The following TSPEAR variants were observed in gnomAD, a reference collection of about 807,000 sequenced individuals.
TSPEAR encodes thrombospondin type laminin G domain and EAR repeats.
In TSPEAR, 69 loss-of-function variants were observed where a neutral mutation model predicts 71.6. The ratio of observed to expected loss-of-function variants is 0.96; its 90% CI spans 0.79 to 1.18. The LOEUF is 1.18. Ranked by LOEUF, TSPEAR falls within the 50% of genes most tolerant of loss-of-function variation. The pLI, the probability that TSPEAR is intolerant of heterozygous loss-of-function variation, is 0.00. For synonymous variants in TSPEAR, 402 were observed against 387.2 expected (o/e 1.04, Z -0.45); for missense variants, 971 against 894.9 (o/e 1.09, Z -1.09).
chr21:44,707,299 G>GGGT (rs1409943675), intron 1 of TSPEAR, among the ~76,000 whole-genome samples: 6 of 133,560 alleles, frequency 4.5e-5, no homozygotes, highest in African/African-American at 1.6e-4. Flanking sequence ...AAAGGACGCG[G>GGGT]GGTGGGGGGG....
chr21:44,640,777 C>T (rs587607871), intron 1 of TSPEAR, among the ~76,000 whole-genome samples: 3 of 152,356 alleles, frequency 2.0e-5, no homozygotes, highest in Non-Finnish European at 1.5e-5. Context: ...CAGAAGGACT[C>T]TGAAGACAAA....
chr21:44,516,980 G>A (rs1043802059), intron 9 of TSPEAR, among the ~76,000 whole-genome samples: 3 of 152,094 alleles, frequency 2.0e-5, no homozygotes, highest in South Asian at 2.1e-4. Context: ...TGGGGCTTTC[G>A]GTCCTGTCCC....
intron 1 of TSPEAR, chr21:44,697,333 G>C (rs373976770): frequency 1.2e-6 from 2 of 1,611,740 alleles, no homozygotes; most frequent in African/African-American, 2.7e-5. Flanking sequence ...GCTGCGCCCC[G>C]GCCCCCTGCC....
rs1233070255 is a variant in TSPEAR, at chr21:44,711,041, A to G, written c.82+392T>C. Among the ~76,000 whole-genome samples the G allele has an allele frequency of 1.3e-5, 2 of 152,188 alleles. No homozygotes were observed. The highest frequency in any genetic ancestry group is 2.9e-5 in the Non-Finnish European group (2 of 68,022). The stretch of plus-strand genomic sequence containing the variant: ...CAGGCTGGGGGCACCTCCACCAGCT[A>G]AGGAAATGGCTCGTGCACAGTAGCC... On this transcript the variant is annotated intron_variant, in intron 1 of 11. Transcript: ENST00000323084. This position sits in a 1 kb window ranked among gnomAD's most constrained non-coding sequence, Gnocchi z 4.5.
At chr21:44,591,216 G>A in intron 1 of TSPEAR, 2 of 1,375,480 alleles carry the variant, frequency 1.5e-6, no homozygotes, top group Non-Finnish European at 1.9e-6. Flanking sequence ...GAGTAGCTGG[G>A]GTCTCTCATG....
chr21:44,697,311 G>A (rs782805259), intron 1 of TSPEAR: 3 of 1,613,638 alleles, frequency 1.9e-6, no homozygotes, highest in Admixed American at 1.7e-5. Context: ...GAGAGCTGCT[G>A]TGAGCCCCCC....
chr21:44,515,097 G>A (rs782090408), intron 9 of TSPEAR, among the ~76,000 whole-genome samples: 6 of 152,028 alleles, frequency 3.9e-5, no homozygotes, highest in Non-Finnish European at 7.4e-5. Context: ...AAAGCATCTC[G>A]GCTTCACCCG....
At chr21:44,644,139 T>G (rs1555939036) in intron 1 of TSPEAR, among the ~76,000 whole-genome samples, 3 of 152,164 alleles carry the variant, frequency 2.0e-5, no homozygotes, top group African/African-American at 7.2e-5. Context: ...TCTGCTTGAT[T>G]TAAGAAATGG....
Position 44,533,695 on chromosome 21 carries a change from G to A in TSPEAR, c.532C>T (p.Pro178Ser). ...CGGGTGGGTACCTACATGTCCACCG[G>A]GAGGCCGCAGTCCGTGGTGAGGGAG... The part of the protein sequence containing the change: ...VFSLTTDCGL[P>S]VDIMADVPFP... Residue 178 changes from proline to serine, a missense_variant, in exon 3 of 12, where the codon CCG (proline) becomes TCG (serine). By Grantham distance (74) the Pro-to-Ser change is moderately conservative. Transcript: ENST00000323084. 1 of 1,607,704 alleles carries A rather than the reference G, an allele frequency of 6.2e-7. No homozygotes were observed.
chr21:44,689,716 T>A lies in TSPEAR; in HGVS notation c.82+21717A>T, dbSNP rs548745864. On this transcript the variant is annotated intron_variant, in intron 1 of 11. Coordinates refer to ENST00000323084, the MANE Select transcript of TSPEAR (RefSeq NM_144991.3). ...TTAGAGGGACAGAATAGAATGAATATATATATATATATATATATATATATT... is the reference window on the plus strand; with the variant it reads ...TTAGAGGGACAGAATAGAATGAATAAATATATATATATATATATATATATT... 4.6e-3 allele frequency among the ~76,000 whole-genome samples: 387 copies of A among 84,310 alleles called. 9 individuals carry two copies. Among genetic ancestry groups the A allele is most frequent in the African/African-American group, 6.3e-3 (129 of 20,412 alleles). 55.3% of individuals were successfully genotyped at this position (84,310 alleles called of 152,430 possible). A position where few individuals can be genotyped will look rare whatever the true frequency, so the allele number is the denominator to read the frequency against.
At chr21:44,638,482 G>T (rs956981497) in intron 1 of TSPEAR, 1 of 369,710 alleles carries the variant, frequency 2.7e-6, no homozygotes, top group African/African-American at 2.1e-5. Context: ...GGACCCCCGG[G>T]GGGGCACAGG....
chr21:44,550,307 C>T (rs1344727854), intron 2 of TSPEAR: 2 of 291,468 alleles, frequency 6.9e-6, no homozygotes, highest in Non-Finnish European at 1.3e-5. Context: ...AGGCCAGGCC[C>T]CACTCTGCCC....
intron 1 of TSPEAR, among the ~76,000 whole-genome samples, chr21:44,655,507 A>C (rs2146257949): frequency 6.6e-6 from 1 of 152,342 alleles, no homozygotes; most frequent in East Asian, 1.9e-4. Flanking sequence ...TAATGGCCAC[A>C]GGACACCTCC....
intron 1 of TSPEAR, among the ~76,000 whole-genome samples, chr21:44,692,857 T>A (rs1401971484): frequency 1.3e-5 from 2 of 152,022 alleles, no homozygotes; most frequent in Non-Finnish European, 2.9e-5. Context: ...ATGAAAAAGC[T>A]GATCTTCAAG....
chr21:44,628,372 G>A lies in TSPEAR; in HGVS notation c.83-60367C>T, dbSNP rs185486927. 1,215 of 354,368 alleles carry A rather than the reference G, an allele frequency of 3.4e-3. 19 individuals carry two copies. Among genetic ancestry groups the A allele is most frequent in the African/African-American group, 0.021 (1,015 of 47,548 alleles). The allele number at this position is 354,368 out of a possible 1,614,324, so 22.0% of individuals were successfully genotyped here. A position where few individuals can be genotyped will look rare whatever the true frequency, so the allele number is the denominator to read the frequency against. ...CCCTGAGCACCAATAAAGCGTCTGC[G>A]GCCCCAGCTGACTCCGTGCTGACTC... On this transcript the variant is annotated intron_variant, in intron 1 of 11. Transcript: ENST00000323084.
intron 1 of TSPEAR, chr21:44,702,693 C>T: frequency 1.3e-6 from 2 of 1,527,692 alleles, no homozygotes; most frequent in South Asian, 2.3e-5. Flanking sequence ...CCTTCTCCTG[C>T]CAGCCCAGCT....
At chr21:44,636,243 A>G (rs587775176) in intron 1 of TSPEAR, among the ~76,000 whole-genome samples, 1 of 152,330 alleles carries the variant, frequency 6.6e-6, no homozygotes, top group East Asian at 1.9e-4. Flanking sequence ...CCGGGTTTCC[A>G]GGGGACATAC....
At chr21:44,671,693 G>C (rs187209065) in intron 1 of TSPEAR, among the ~76,000 whole-genome samples, 148 of 152,248 alleles carry the variant, frequency 9.7e-4, no homozygotes, top group Non-Finnish European at 1.6e-3. Flanking sequence ...CACATCTGCA[G>C]GAAAAAGTCT....
intron 1 of TSPEAR, chr21:44,677,637 A>G: frequency 1.7e-6 from 2 of 1,186,638 alleles, no homozygotes; most frequent in Non-Finnish European, 2.5e-6. Context: ...CTCATGCTGA[A>G]CCCCAGGGAC....
Sources: gnomAD v4.1 joint callset for allele counts (sites outside exome capture counted in the v4.1 genomes callset) on GRCh38, gnomAD v4.1.1 for gene constraint, Gnocchi (gnomAD v3.1) non-coding constraint, MANE v1.5 for transcripts, NCBI Gene and HGNC (gene_info 2026-07-23, HGNC 2026-07-21) for gene names.